The following MTUS2 variants were observed in gnomAD, a reference collection of about 807,000 sequenced individuals.
The protein encoded by MTUS2 is microtubule-associated tumor suppressor candidate 2.
In MTUS2, 40 loss-of-function variants were observed where a neutral mutation model predicts 114.1. The observed-to-expected ratio is 0.35, with a 90% CI of 0.27 to 0.46. The LOEUF is 0.46. MTUS2 is among the 20% of genes least tolerant of loss of function. The pLI, the probability that MTUS2 is intolerant of heterozygous loss-of-function variation, is 1.00. For synonymous variants in MTUS2, 688 were observed against 672.0 expected, an observed-to-expected ratio of 1.02 and a Z score of -0.37; for missense variants, 1,679 against 1,705.4, an observed-to-expected ratio of 0.98 and a Z score of 0.27.
chr13:29,445,676 G>C (rs1346157773), intron 9 of MTUS2, among the ~76,000 whole-genome samples: 1 of 152,048 alleles, frequency 6.6e-6, no homozygotes, highest in African/African-American at 2.4e-5. Flanking sequence ...GAAGGCCAAG[G>C]CAGGTAGATC....
chr13:29,041,387 T>C (rs1296920832), intron 4 of MTUS2, among the ~76,000 whole-genome samples: 2 of 152,212 alleles, frequency 1.3e-5, no homozygotes, highest in African/African-American at 4.8e-5. Context: ...ATGTGATGCC[T>C]CCAGATTTGT....
intron 8 of MTUS2, among the ~76,000 whole-genome samples, chr13:29,378,495 T>A (rs1871933363): frequency 6.6e-6 from 1 of 152,102 alleles, no homozygotes; most frequent in South Asian, 2.1e-4. Flanking sequence ...CTCCCTGCCG[T>A]GCTCGTGCCC....
At chr13:29,481,976 G>T (rs1383847234) in intron 10 of MTUS2, 1 of 152,188 alleles carries the variant, frequency 6.6e-6, no homozygotes, top group Non-Finnish European at 1.5e-5. Context: ...TGCACGTGCT[G>T]CTGTCTACAG....
At chr13:29,070,182 C>G (rs1027082315) in intron 4 of MTUS2, among the ~76,000 whole-genome samples, 1 of 152,120 alleles carries the variant, frequency 6.6e-6, no homozygotes, top group Non-Finnish European at 1.5e-5. Flanking sequence ...TCTCCTGGTG[C>G]CTGCCTCTGA....
At chr13:29,411,786 T>C (rs1294101040) in intron 8 of MTUS2, among the ~76,000 whole-genome samples, 1 of 152,216 alleles carries the variant, frequency 6.6e-6, no homozygotes, top group East Asian at 1.9e-4. Flanking sequence ...CAGAGAGATG[T>C]TTTGCATATT....
At chr13:28,960,827 A>T (rs185182286) in intron 2 of MTUS2, among the ~76,000 whole-genome samples, 102 of 152,350 alleles carry the variant, frequency 6.7e-4, no homozygotes, top group African/African-American at 2.4e-3. Flanking sequence ...TGAATCATAT[A>T]CTTCAAAAGG....
At chr13:29,443,174 T>G (rs946080617) in intron 9 of MTUS2, among the ~76,000 whole-genome samples, 2 of 152,306 alleles carry the variant, frequency 1.3e-5, no homozygotes, top group East Asian at 3.9e-4. Flanking sequence ...ATAATGCCGA[T>G]GAAGCAGTCT....
chr13:29,046,492 C>G (rs950052520), intron 4 of MTUS2, among the ~76,000 whole-genome samples: 2 of 152,204 alleles, frequency 1.3e-5, no homozygotes, highest in Non-Finnish European at 2.9e-5. Flanking sequence ...TTACTCCTTT[C>G]TTTCTGAAAC....
At chr13:29,192,873 G>T (rs1044463798) in intron 5 of MTUS2, among the ~76,000 whole-genome samples, 2 of 152,148 alleles carry the variant, frequency 1.3e-5, no homozygotes, top group African/African-American at 4.8e-5. Context: ...GCACTCTATG[G>T]TTTAAGTTTG....
chr13:28,867,734 C>T (rs1877386029), intron 2 of MTUS2, among the ~76,000 whole-genome samples: 1 of 152,198 alleles, frequency 6.6e-6, no homozygotes, highest in African/African-American at 2.4e-5. Flanking sequence ...TGACTTGGCT[C>T]AGCCATCATG....
chr13:28,888,243 T>C (rs1878704326), intron 2 of MTUS2, among the ~76,000 whole-genome samples: 1 of 151,960 alleles, frequency 6.6e-6, no homozygotes, highest in African/African-American at 2.4e-5. Flanking sequence ...TATTTGGGTC[T>C]CAGAGTTTTA....
chr13:29,100,560 C>G (rs1034798815), intron 4 of MTUS2, among the ~76,000 whole-genome samples: 3 of 152,162 alleles, frequency 2.0e-5, no homozygotes, highest in African/African-American at 7.2e-5. Context: ...GCTGGGGCTG[C>G]ACCACCTCCT....
chr13:28,955,300 G>A (rs1179920167), intron 2 of MTUS2, among the ~76,000 whole-genome samples: 1 of 152,148 alleles, frequency 6.6e-6, no homozygotes, highest in African/African-American at 2.4e-5. Flanking sequence ...TGACTTTAAA[G>A]AATAAAATAT....
chr13:29,282,467 G>GGT (rs1160330368), intron 6 of MTUS2, among the ~76,000 whole-genome samples: 1 of 152,252 alleles, frequency 6.6e-6, no homozygotes, highest in Non-Finnish European at 1.5e-5. Flanking sequence ...CTGATTCAAA[G>GGT]GTGTAACTAG....
chr13:29,121,657 CT>C (rs547034297), intron 5 of MTUS2, among the ~76,000 whole-genome samples: 4,210 of 142,160 alleles, frequency 0.03, 134 homozygotes, highest in African/African-American at 0.082. Flanking sequence ...CACTTTTTCA[CT>C]TTTTTTTTTT....
intron 6 of MTUS2, among the ~76,000 whole-genome samples, chr13:29,300,891 G>A (rs1018856904): frequency 6.6e-6 from 1 of 152,068 alleles, no homozygotes. Context: ...TATAAACAAC[G>A]AACATTTATT....
chr13:29,446,311 G>A (rs918053282), intron 9 of MTUS2, among the ~76,000 whole-genome samples: 1 of 152,150 alleles, frequency 6.6e-6, no homozygotes, highest in Non-Finnish European at 1.5e-5. Context: ...AGGGTTTTAG[G>A]GCTGGTCCAG....
intron 5 of MTUS2, among the ~76,000 whole-genome samples, chr13:29,225,823 A>G (rs1163963317): frequency 1.3e-5 from 2 of 152,296 alleles, no homozygotes; most frequent in South Asian, 4.1e-4. Flanking sequence ...ATGATAATAC[A>G]GTATTAGTAT....
chr13:29,416,829 T>TTTG (rs1566188801), intron 8 of MTUS2, among the ~76,000 whole-genome samples: 13 of 92,014 alleles, frequency 1.4e-4, no homozygotes, highest in East Asian at 4.5e-4. Flanking sequence ...CTAGAGGTTT[T>TTTG]GTTTTGTTTT....
Sources: allele counts gnomAD v4.1 joint callset (sites outside exome capture counted in the v4.1 genomes callset), GRCh38; gene constraint gnomAD v4.1.1; transcripts MANE v1.5; gene names NCBI Gene and HGNC (gene_info 2026-07-23, HGNC 2026-07-21).